The following ZWILCH variants were observed in gnomAD, a reference collection of about 807,000 sequenced individuals.
ZWILCH encodes zwilch kinetochore protein.
In ZWILCH, 74 loss-of-function variants were observed where a neutral mutation model predicts 79.9. The ratio of observed to expected loss-of-function variants is 0.93; its 90% CI spans 0.77 to 1.12. The LOEUF (loss-of-function observed/expected upper bound fraction) is 1.12, where lower values mean the gene tolerates loss of function less well. Among genes scored for constraint, ZWILCH ranks in the 50% most tolerant of loss-of-function variants. ZWILCH has a pLI of 0.00. For synonymous variants in ZWILCH, 241 were observed against 228.2 expected, an observed-to-expected ratio of 1.06 and a Z score of -0.51; for missense variants, 694 against 687.5, an observed-to-expected ratio of 1.01 and a Z score of -0.11.
intron 15 of ZWILCH, among the ~76,000 whole-genome samples, chr15:66,536,556 C>G (rs150624240): frequency 6.6e-6 from 1 of 152,188 alleles, no homozygotes; most frequent in South Asian, 2.1e-4. Flanking sequence ...CAGACACGGA[C>G]TGCTGGTATC....
chr15:66,510,094 C>T (rs1287357901), intron 2 of ZWILCH, among the ~76,000 whole-genome samples: 2 of 150,398 alleles, frequency 1.3e-5, no homozygotes, highest in Non-Finnish European at 3.0e-5. Flanking sequence ...AGGAGAATCA[C>T]TTGAACCTGG....
intron 17 of ZWILCH, among the ~76,000 whole-genome samples, chr15:66,541,977 A>G (rs1313790268): frequency 1.3e-5 from 2 of 152,218 alleles, no homozygotes; most frequent in African/African-American, 4.8e-5. Context: ...CTCTGTTCAT[A>G]TAGTTGAACT....
intron 17 of ZWILCH, among the ~76,000 whole-genome samples, chr15:66,544,627 A>T (rs1470502541): frequency 6.6e-6 from 1 of 152,008 alleles, no homozygotes; most frequent in Non-Finnish European, 1.5e-5. Flanking sequence ...GGTGCGAACT[A>T]CTACTGCCCC....
intron 4 of ZWILCH, among the ~76,000 whole-genome samples, chr15:66,517,101 C>T (rs1409343343): frequency 2.6e-5 from 4 of 151,976 alleles, no homozygotes; most frequent in Admixed American, 6.6e-5. Flanking sequence ...ACATAAGCCA[C>T]ATTTTTTGGT....
intron 16 of ZWILCH, 122 bp downstream of exon 16, chr15:66,537,385 C>T: frequency 1.7e-6 from 1 of 604,632 alleles, no homozygotes; most frequent in South Asian, 2.0e-5. Context: ...TAATGAGACC[C>T]TGTCTCTATT....
At chr15:66,513,919 T>G (rs1894162724) in intron 2 of ZWILCH, 69 bp from the exon 3 acceptor site, 1 of 1,251,594 alleles carries the variant, frequency 8.0e-7, no homozygotes, top group South Asian at 1.4e-5. Flanking sequence ...ATAGAACTGG[T>G]CTTTATGTGT....
intron 7 of ZWILCH, among the ~76,000 whole-genome samples, chr15:66,521,815 A>G (rs1237064540): frequency 1.3e-5 from 2 of 152,100 alleles, no homozygotes; most frequent in African/African-American, 4.8e-5. Flanking sequence ...TATTCTTAAA[A>G]GGGTGGAGTT....
At position 66,540,095 on chromosome 15, in the gene ZWILCH, TAGTG is replaced by T; in HGVS notation, c.1575_1578del (p.Ser525ArgfsTer23). 6.3e-7 allele frequency: 1 copy of T among 1,595,374 alleles called. No homozygotes were observed. Among genetic ancestry groups the T allele is most frequent in the Non-Finnish European group, 8.5e-7 (1 of 1,173,704 alleles). On this transcript the variant is annotated splice_acceptor_variant and coding_sequence_variant, in exon 17 of 19. Coordinates refer to ENST00000307897, the MANE Select transcript of ZWILCH (RefSeq NM_017975.5). LOFTEE classifies it high-confidence loss of function. ...TTCTTTTGTCGTTTTATTCTTTCCT[TAGTG>T]AGAAGCCACAGAAATGGAGAGTGGA... is the stretch of plus-strand genomic sequence containing the variant.
At position 66,546,467 on chromosome 15, in the gene ZWILCH, A is replaced by T. The variant is rs185817056; in HGVS notation, c.1688-124A>T. 1.3e-5 allele frequency: 6 copies of T among 446,788 alleles called. No individual in the cohort carries two copies. In the East Asian group the frequency reaches 2.1e-4, roughly 16 times the overall value. 27.7% of individuals were successfully genotyped at this position (446,788 alleles called of 1,614,324 possible). On this transcript the variant is annotated intron_variant, in intron 17 of 18. Coordinates refer to ENST00000307897, the MANE Select transcript of ZWILCH (RefSeq NM_017975.5). Reference sequence around the variant, plus strand: ...AATTTTTCCCAATGAATTCTCTTAAAGTAGAAGACACATTGCCATTTAGAC... The same window carrying T: ...AATTTTTCCCAATGAATTCTCTTAATGTAGAAGACACATTGCCATTTAGAC...
chr15:66,542,028 A>C (rs1156270890), intron 17 of ZWILCH, among the ~76,000 whole-genome samples: 1 of 152,224 alleles, frequency 6.6e-6, no homozygotes, highest in African/African-American at 2.4e-5. Flanking sequence ...GAGAGCCATC[A>C]GTTAAAATTG....
chr15:66,506,688 C>G (rs1390017726), intron 1 of ZWILCH, among the ~76,000 whole-genome samples: 1 of 151,852 alleles, frequency 6.6e-6, no homozygotes, highest in Non-Finnish European at 1.5e-5. Context: ...ATAAAAATCT[C>G]CTATTAACTA....
intron 2 of ZWILCH, 138 bp downstream of exon 2, chr15:66,509,030 C>G (rs1053456675): frequency 3.6e-6 from 3 of 842,944 alleles, no homozygotes; most frequent in Admixed American, 2.6e-5. Context: ...AGCTCCGGCT[C>G]CCGGGTTCAC....
At chr15:66,528,986 C>T (rs1342983264) in intron 11 of ZWILCH, 29 bp downstream of exon 11, 2 of 1,563,636 alleles carry the variant, frequency 1.3e-6, no homozygotes, top group Non-Finnish European at 1.8e-6. Context: ...TTAAATTTTT[C>T]CTCTTATTTC....
chr15:66,518,352 G>T lies in ZWILCH; in HGVS notation c.321-527G>T, dbSNP rs1385010695. Among the ~76,000 whole-genome samples, 3 of 145,734 alleles carry T rather than the reference G, an allele frequency of 2.1e-5. No homozygotes were observed. In the East Asian group the frequency reaches 6.1e-4, roughly 30 times the overall value. ...TGCCCAAGCTAGAGTGCAGTGGTGC[G>T]ATCTGGGCTCACTGCAAGCTCTGCC... On this transcript the variant is annotated intron_variant, in intron 4 of 18. Transcript: ENST00000307897.
At chr15:66,523,584 T>A (rs1233519458) in intron 7 of ZWILCH, 93 bp from the exon 8 acceptor site, 2 of 753,060 alleles carry the variant, frequency 2.7e-6, no homozygotes, top group Admixed American at 4.5e-5. Context: ...TATTTTTTAA[T>A]GTGTGAAAGA....
chr15:66,532,183 C>T lies in ZWILCH; in HGVS notation c.1156-64C>T, dbSNP rs1894870714. On this transcript the variant is annotated intron_variant, in intron 12 of 18. Coordinates refer to ENST00000307897, the MANE Select transcript of ZWILCH (RefSeq NM_017975.5). ...TTTGTAGCTACTGTAATTTGCTTCT[C>T]TTTTACTTGTTGGGTTTATTTATAT... 13 of 1,308,292 alleles carry T rather than the reference C, an allele frequency of 9.9e-6. 1 individual carries two copies. The South Asian group carries it at 1.5e-4, about 15-fold the overall frequency. The allele number at this position is 1,308,292 out of a possible 1,614,324, so 81.0% of individuals were successfully genotyped here. A position where few individuals can be genotyped will look rare whatever the true frequency, so the allele number is the denominator to read the frequency against.
At chr15:66,541,913 C>T (rs771214409) in intron 17 of ZWILCH, among the ~76,000 whole-genome samples, 3 of 152,138 alleles carry the variant, frequency 2.0e-5, no homozygotes, top group African/African-American at 4.8e-5. Flanking sequence ...TGTGCTCCTG[C>T]CCTCCCAAGT....
chr15:66,537,148 G>A lies in ZWILCH; in HGVS notation c.1479-20G>A, dbSNP rs746634774. ...CAAATGGCTCTTTTTTCCAAAAGAG[G>A]TTCCATTTTGTTTTTTCAGGATCTG... On this transcript the variant is annotated intron_variant, in intron 15 of 18. Transcript: ENST00000307897. 2.5e-6 allele frequency: 4 copies of A among 1,594,454 alleles called. No individual in the cohort carries two copies. The African/African-American group carries it at 4.0e-5, about 16-fold the overall frequency.
Position 66,532,423 on chromosome 15 carries a change from C to A in ZWILCH, c.1312+20C>A. 6.3e-7 allele frequency: 1 copy of A among 1,576,638 alleles called. No homozygotes were observed. The highest frequency in any genetic ancestry group is 1.4e-5 in the African/African-American group (1 of 72,430). ...TCATAGGTAAGTATCTTTCCTGGCTCAAAAAATTAAAAAACACATCACAGT... is the reference window on the plus strand; with the variant it reads ...TCATAGGTAAGTATCTTTCCTGGCTAAAAAAATTAAAAAACACATCACAGT... On this transcript the variant is annotated intron_variant, in intron 13 of 18. Coordinates refer to ENST00000307897, the MANE Select transcript of ZWILCH (RefSeq NM_017975.5).
Sources: gnomAD v4.1 joint callset for allele counts (sites outside exome capture counted in the v4.1 genomes callset) on GRCh38, gnomAD v4.1.1 for gene constraint, MANE v1.5 for transcripts, NCBI Gene and HGNC (gene_info 2026-07-23, HGNC 2026-07-21) for gene names.